STARD7: variants seen among roughly 807,000 people sequenced by gnomAD.
The protein encoded by STARD7 is stAR-related lipid transfer protein 7, mitochondrial.
Under a neutral mutation model 45.3 loss-of-function variants are expected in STARD7, and 30 were observed. The ratio of observed to expected loss-of-function variants is 0.66; its 90% CI spans 0.50 to 0.90. The LOEUF is 0.90. Ranked by LOEUF, STARD7 falls within the 40% of genes least tolerant of loss-of-function variation. The pLI is 0.00. For missense variants in STARD7, 495 were observed against 491.3 expected, an observed-to-expected ratio of 1.01 and a Z score of -0.07; for synonymous variants, 199 against 183.0, an observed-to-expected ratio of 1.09 and a Z score of -0.70.
intron 1 of STARD7, among the ~76,000 whole-genome samples, chr2:96,203,367 T>C (rs917726702): frequency 6.6e-6 from 1 of 152,224 alleles, no homozygotes; most frequent in East Asian, 1.9e-4. Context: ...AGAGAGACCA[T>C]GCCTTTCTTT....
At chr2:96,207,472 A>C (rs528158907) in intron 1 of STARD7, among the ~76,000 whole-genome samples, 40 of 152,382 alleles carry the variant, frequency 2.6e-4, no homozygotes, top group African/African-American at 8.2e-4. Flanking sequence ...TCAGAACTAC[A>C]GATTAACAAA....
chr2:96,187,116 A>AAAG (rs199821880), intron 7 of STARD7, 101 bp downstream of exon 7: 1 of 1,052,530 alleles, frequency 9.5e-7, no homozygotes, highest in Non-Finnish European at 1.4e-6. Context: ...AAAAAAAAAA[A>AAAG]AAGAAGAACC....
intron 6 of STARD7, chr2:96,188,048 G>C (rs1683064656): frequency 1.3e-5 from 2 of 152,242 alleles, no homozygotes; most frequent in Non-Finnish European, 2.9e-5. Flanking sequence ...GCCCAAGGCA[G>C]GCAGATTACT....
intron 6 of STARD7, among the ~76,000 whole-genome samples, chr2:96,190,607 G>C (rs970194729): frequency 2.0e-5 from 3 of 151,872 alleles, no homozygotes; most frequent in African/African-American, 2.4e-5. Flanking sequence ...CAAAGTGCTG[G>C]GATTACAGGC....
intron 7 of STARD7, 138 bp from the exon 8 acceptor site, chr2:96,187,052 G>C: frequency 1.1e-6 from 1 of 932,412 alleles, no homozygotes; most frequent in Non-Finnish European, 1.6e-6. Context: ...GTGAATAAGA[G>C]CTGCCTCCCG....
chr2:96,197,123 A>AACTAAAAACTAAACTAAACT, intron 1 of STARD7, among the ~76,000 whole-genome samples: 1 of 147,266 alleles, frequency 6.8e-6, no homozygotes, highest in South Asian at 2.2e-4. Context: ...AAATAAAATA[A>AACTAAAAACTAAACTAAACT]AGCCAAGCAC....
At chr2:96,197,105 A>ACG (rs1558735872) in intron 1 of STARD7, among the ~76,000 whole-genome samples, 1 of 141,490 alleles carries the variant, frequency 7.1e-6, no homozygotes, top group Admixed American at 7.3e-5. Flanking sequence ...ATAAAATAAA[A>ACG]TAAAATAAAA....
rs1324921252 is a variant in STARD7, at chr2:96,208,210, C to T, written c.225G>A (p.Leu75=). 6.2e-7 allele frequency: 1 copy of T among 1,611,562 alleles called. No homozygotes were observed. Among genetic ancestry groups the T allele is most frequent in the Admixed American group, 1.7e-5 (1 of 59,654 alleles). The change falls in exon 1 of 8, where the codon TTG becomes TTA. Residue 75 remains leucine (L), a synonymous_variant. Transcript: ENST00000337288. ...CGAAGACGCCGGCTAACGCCGCCAT[C>T]AAGGCAGAGGCATGGCCAGGACGGC... The part of the protein sequence containing the change: ...LHGRPGHASA[L]MAALAGVFVW...
chr2:96,187,500 G>T, intron 6 of STARD7, 199 bp from the exon 7 acceptor site: 1 of 504,220 alleles, frequency 2.0e-6, no homozygotes, highest in Non-Finnish European at 3.6e-6. Flanking sequence ...GTTGACCCTT[G>T]GCCAACTTCG....
chr2:96,194,460 T>C (rs116051541), intron 3 of STARD7, among the ~76,000 whole-genome samples: 1 of 151,866 alleles, frequency 6.6e-6, no homozygotes, highest in African/African-American at 2.4e-5. Context: ...AAGTGGAAAA[T>C]GCTATAAAGG....
chr2:96,207,137 T>C (rs1445982545), intron 1 of STARD7, among the ~76,000 whole-genome samples: 1 of 152,246 alleles, frequency 6.6e-6, no homozygotes, highest in Non-Finnish European at 1.5e-5. Flanking sequence ...ATTCATAGTG[T>C]GGCACAAATA....
chr2:96,195,270 A>C, intron 2 of STARD7, 71 bp downstream of exon 2: 1 of 1,317,558 alleles, frequency 7.6e-7, no homozygotes, highest in Non-Finnish European at 1.1e-6. Flanking sequence ...CAGTTTAGAG[A>C]AGTATGAAGA....
At chr2:96,196,472 G>GT (rs1454708556) in intron 1 of STARD7, among the ~76,000 whole-genome samples, 4 of 151,652 alleles carry the variant, frequency 2.6e-5, no homozygotes, top group Admixed American at 6.6e-5. Flanking sequence ...TTTTTTGTTT[G>GT]TTTTTTTGAA....
Position 96,208,488 on chromosome 2 carries a change from G to C in STARD7, c.-54C>G. The C allele has an allele frequency of 7.5e-7, 1 of 1,330,934 alleles. No homozygotes were observed. Among genetic ancestry groups the C allele is most frequent in the Non-Finnish European group, 9.6e-7 (1 of 1,043,724 alleles). 82.4% of individuals were successfully genotyped at this position (1,330,934 alleles called of 1,614,324 possible). On this transcript the variant is annotated 5_prime_UTR_variant, in exon 1 of 8. Coordinates refer to ENST00000337288, the MANE Select transcript of STARD7 (RefSeq NM_020151.4). ...TTCCGGGGCCCAAGGAACCAGTCCG[G>C]AGGGGCGCAGGCGGTGGTCGCAGCG...
At chr2:96,196,113 CAAA>C (rs113641896) in intron 1 of STARD7, among the ~76,000 whole-genome samples, 6 of 83,380 alleles carry the variant, frequency 7.2e-5, no homozygotes, top group Middle Eastern at 5.2e-3. Flanking sequence ...ACTCTTGTCT[CAAA>C]AAAAAAAAAA....
chr2:96,196,382 C>T (rs1045299506), intron 1 of STARD7, among the ~76,000 whole-genome samples: 1 of 152,120 alleles, frequency 6.6e-6, no homozygotes, highest in African/African-American at 2.4e-5. Flanking sequence ...ATCACTTGAG[C>T]CCAGGAGTTG....
intron 1 of STARD7, among the ~76,000 whole-genome samples, chr2:96,207,635 C>A (rs927632858): frequency 3.3e-5 from 5 of 152,184 alleles, no homozygotes; most frequent in Admixed American, 2.6e-4. Context: ...GTTTGTGTAA[C>A]CTGGACAAAA....
chr2:96,199,274 T>A (rs1683270641), intron 1 of STARD7, among the ~76,000 whole-genome samples: 1 of 152,224 alleles, frequency 6.6e-6, no homozygotes, highest in African/African-American at 2.4e-5. Context: ...GGTATTGCCA[T>A]CTTAGCAATA....
At position 96,206,134 on chromosome 2, in the gene STARD7, ATC is replaced by A. The variant is rs374354123; in HGVS notation, c.290+2009_290+2010del. The stretch of plus-strand genomic sequence containing the variant: ...AGAGGCTCAGTCATGAACTGGTCTG[ATC>A]TCTCTGCCATGATAAATACTGACTA... On this transcript the variant is annotated intron_variant, in intron 1 of 7. Transcript: ENST00000337288. Among the ~76,000 whole-genome samples the A allele has an allele frequency of 1.6e-4, 24 of 152,152 alleles. No homozygotes were observed. The East Asian group carries it at 4.4e-3, about 28-fold the overall frequency.
Sources: allele counts gnomAD v4.1 joint callset (sites outside exome capture counted in the v4.1 genomes callset), GRCh38; gene constraint gnomAD v4.1.1; transcripts MANE v1.5; gene names NCBI Gene and HGNC (gene_info 2026-07-23, HGNC 2026-07-21).